The following ACER3 variants were observed in gnomAD, a reference collection of about 807,000 sequenced individuals.
ACER3 encodes the protein alkCDase 3.
In ACER3, 16 loss-of-function variants were observed where a neutral mutation model predicts 48.9. That is an observed-to-expected ratio of 0.33 (90% CI 0.22 to 0.50). The LOEUF is 0.50. Among genes scored for constraint, ACER3 ranks in the 20% least tolerant of loss-of-function variants. ACER3 has a pLI of 0.98. For missense variants in ACER3, 227 were observed against 326.0 expected, an observed-to-expected ratio of 0.70 and a Z score of 2.34; for synonymous variants, 109 against 107.8, an observed-to-expected ratio of 1.01 and a Z score of -0.07.
chr11:76,929,407 A>G (rs891162682), intron 2 of ACER3, among the ~76,000 whole-genome samples: 1 of 152,202 alleles, frequency 6.6e-6, no homozygotes, highest in African/African-American at 2.4e-5. Flanking sequence ...TCATCTGCAA[A>G]CAGGGACAAT....
At chr11:76,872,911 C>CTTTTTTTTTTTTTT (rs59654087) in intron 1 of ACER3, among the ~76,000 whole-genome samples, 5 of 68,706 alleles carry the variant, frequency 7.3e-5, no homozygotes, top group African/African-American at 1.1e-4. Context: ...TTTTCTTTTT[C>CTTTTTTTTTTTTTT]TTTTTTTTTT....
At chr11:76,861,843 C>T (rs976675532) in intron 1 of ACER3, among the ~76,000 whole-genome samples, 1 of 152,194 alleles carries the variant, frequency 6.6e-6, no homozygotes, top group Non-Finnish European at 1.5e-5. Context: ...CATCTGAGGA[C>T]ACTACTTCCA....
At chr11:76,919,685 T>C (rs1946636902) in intron 1 of ACER3, among the ~76,000 whole-genome samples, 1 of 152,156 alleles carries the variant, frequency 6.6e-6, no homozygotes, top group Non-Finnish European at 1.5e-5. Context: ...TAACCTCAAA[T>C]CCAATTAAAC....
intron 1 of ACER3, among the ~76,000 whole-genome samples, chr11:76,903,237 T>A (rs1398185593): frequency 1.3e-5 from 2 of 152,134 alleles, no homozygotes; most frequent in African/African-American, 4.8e-5. Flanking sequence ...TGTTCCAGAG[T>A]CAACTATATG....
intron 3 of ACER3, among the ~76,000 whole-genome samples, chr11:76,966,989 A>C (rs1948154755): frequency 6.6e-6 from 1 of 152,186 alleles, no homozygotes; most frequent in African/African-American, 2.4e-5. Context: ...AAGACACAAA[A>C]AACCCTTCAA....
chr11:76,895,740 C>A lies in ACER3; in HGVS notation c.104-30817C>A, dbSNP rs376372527. Among the ~76,000 whole-genome samples, 111 of 152,060 alleles carry A rather than the reference C, an allele frequency of 7.3e-4. No individual in the cohort carries two copies. In the South Asian group the frequency reaches 0.019, roughly 26 times the overall value. On this transcript the variant is annotated intron_variant, in intron 1 of 10. Coordinates refer to ENST00000532485, the MANE Select transcript of ACER3 (RefSeq NM_018367.7). ...TGAAGATGAAACTGCAAGCAGCCTG[C>A]CATAAGTAAAAAATGTTTTTTTAAT...
At chr11:77,015,332 G>T in intron 8 of ACER3, 3 of 399,156 alleles carry the variant, frequency 7.5e-6, no homozygotes, top group South Asian at 3.6e-5. Context: ...ACCTCTGTAG[G>T]GTTTGGGTTT....
Position 76,990,349 on chromosome 11 carries a change from G to A in ACER3, c.403-190G>A, listed in dbSNP as rs537434168. Among the ~76,000 whole-genome samples, 4 of 152,276 alleles carry A rather than the reference G, an allele frequency of 2.6e-5. No homozygotes were observed. The South Asian group carries it at 8.3e-4, about 32-fold the overall frequency. ...TCACCATAACAGGGCTAGCACTGAG[G>A]AAATCCTCCTGTAGATACTAGCTCT... On this transcript the variant is annotated intron_variant, in intron 5 of 10. Coordinates refer to ENST00000532485, the MANE Select transcript of ACER3 (RefSeq NM_018367.7).
At chr11:76,955,889 T>C (rs1202012140) in intron 2 of ACER3, among the ~76,000 whole-genome samples, 1 of 152,176 alleles carries the variant, frequency 6.6e-6, no homozygotes, top group Admixed American at 6.5e-5. Context: ...CACTGATGCA[T>C]GTGATGACAT....
At position 76,934,706 on chromosome 11, in the gene ACER3, C is replaced by T. The variant is rs1261689315; in HGVS notation, c.214+8039C>T. ...GAGGGAGAGGGAGACCGTGGGGAGACGGGAGAGGGAGGGAGACCGTGGAAA... is the reference window on the plus strand; with the variant it reads ...GAGGGAGAGGGAGACCGTGGGGAGATGGGAGAGGGAGGGAGACCGTGGAAA... On this transcript the variant is annotated intron_variant, in intron 2 of 10. Transcript: ENST00000532485. 4.8e-5 allele frequency among the ~76,000 whole-genome samples: 6 copies of T among 124,344 alleles called. No individual in the cohort carries two copies. The South Asian group carries it at 6.4e-4, about 13-fold the overall frequency. 81.6% of individuals were successfully genotyped at this position (124,344 alleles called of 152,430 possible).
rs61113921 is a variant in ACER3, at chr11:77,005,972, C to CATATAT, written c.497+7166_497+7171dup. Among the ~76,000 whole-genome samples, 525 of 107,056 alleles carry CATATAT rather than the reference C, an allele frequency of 4.9e-3. 14 individuals are homozygous for CATATAT. The highest frequency in any genetic ancestry group is 0.018 in the African/African-American group (509 of 28,502). The allele number at this position is 107,056 out of a possible 152,430, so 70.2% of individuals were successfully genotyped here. On this transcript the variant is annotated intron_variant, in intron 7 of 10. Coordinates refer to ENST00000532485, the MANE Select transcript of ACER3 (RefSeq NM_018367.7). ...TATATATGTATATTATATATATATA[C>CATATAT]ATATATATATATATATATATTTTTT...
chr11:76,941,969 A>G (rs749835091), intron 2 of ACER3, among the ~76,000 whole-genome samples: 2 of 151,898 alleles, frequency 1.3e-5, no homozygotes, highest in Non-Finnish European at 2.9e-5. Flanking sequence ...CCTCCAATAG[A>G]TCATTGTTGG....
chr11:76,867,187 G>A (rs1446963573), intron 1 of ACER3, among the ~76,000 whole-genome samples: 1 of 152,022 alleles, frequency 6.6e-6, no homozygotes, highest in Non-Finnish European at 1.5e-5. Flanking sequence ...TAGCTGAGAG[G>A]GCCAGGCATG....
At chr11:76,883,503 C>G (rs146176897) in intron 1 of ACER3, among the ~76,000 whole-genome samples, 1,918 of 135,896 alleles carry the variant, frequency 0.014, 21 homozygotes, top group Non-Finnish European at 0.022. Context: ...TGCAGTAGCA[C>G]GATCTCAGCT....
intron 5 of ACER3, among the ~76,000 whole-genome samples, chr11:76,986,592 A>G (rs541844911): frequency 7.9e-5 from 12 of 152,354 alleles, no homozygotes; most frequent in African/African-American, 2.6e-4. Flanking sequence ...TATTGTAACT[A>G]TGTACTTTAC....
chr11:76,899,654 T>C (rs1946030704), intron 1 of ACER3, among the ~76,000 whole-genome samples: 1 of 152,222 alleles, frequency 6.6e-6, no homozygotes, highest in Non-Finnish European at 1.5e-5. Flanking sequence ...CTTTATCATT[T>C]GCTCTTTATT....
chr11:76,889,096 T>C (rs1207006033), intron 1 of ACER3, among the ~76,000 whole-genome samples: 1 of 152,172 alleles, frequency 6.6e-6, no homozygotes, highest in Non-Finnish European at 1.5e-5. Context: ...CTCAGCTCTA[T>C]ATAGATGATC....
intron 8 of ACER3, 150 bp from the exon 9 acceptor site, chr11:77,016,525 T>C (rs1364342662): frequency 8.8e-6 from 4 of 454,936 alleles, no homozygotes; most frequent in African/African-American, 8.1e-5. Flanking sequence ...AGAATGTACT[T>C]TGGATAACAA....
intron 2 of ACER3, among the ~76,000 whole-genome samples, chr11:76,945,975 C>T (rs1249316055): frequency 2.0e-5 from 3 of 152,140 alleles, no homozygotes; most frequent in African/African-American, 7.2e-5. Flanking sequence ...TGGTTGCAGC[C>T]GAGTAGCCTC....
Sources: allele counts gnomAD v4.1 joint callset (sites outside exome capture counted in the v4.1 genomes callset), GRCh38; gene constraint gnomAD v4.1.1; transcripts MANE v1.5; gene names NCBI Gene and HGNC (gene_info 2026-07-23, HGNC 2026-07-21).